Variants in SVIL observed in about 807,000 individuals in gnomAD.
SVIL encodes supervillin.
A neutral mutation model predicts 240.4 loss-of-function variants in SVIL; 101 were observed. The observed-to-expected ratio is 0.42, with a 90% CI of 0.36 to 0.50. SVIL has a LOEUF of 0.50. SVIL is among the 20% of genes least tolerant of loss of function. SVIL has a pLI of 0.01. For synonymous variants in SVIL, 999 were observed against 1,100.0 expected, an observed-to-expected ratio of 0.91 and a Z score of 1.82; for missense variants, 2,512 against 2,818.7, an observed-to-expected ratio of 0.89 and a Z score of 2.46.
chr10:29,554,485 ATG>A (rs199902902), intron 5 of SVIL, among the ~76,000 whole-genome samples: 2,052 of 151,980 alleles, frequency 0.014, 47 homozygotes, highest in African/African-American at 0.047. Flanking sequence ...CTCTACAAAA[ATG>A]TTTAAAAAAA....
chr10:29,589,931 G>A (rs778579655), intron 1 of SVIL, among the ~76,000 whole-genome samples: 2 of 152,110 alleles, frequency 1.3e-5, no homozygotes, highest in Non-Finnish European at 2.9e-5. Flanking sequence ...CACTTTGGGA[G>A]GCTGAGGTGG....
At chr10:29,495,788 A>G (rs547668868) in intron 18 of SVIL, among the ~76,000 whole-genome samples, 72 of 152,226 alleles carry the variant, frequency 4.7e-4, no homozygotes, top group Non-Finnish European at 8.8e-4. Context: ...CGAGAAGCAG[A>G]GTGGGGAATC....
intron 1 of SVIL, among the ~76,000 whole-genome samples, chr10:29,578,552 C>T (rs1955800936): frequency 6.6e-6 from 1 of 152,220 alleles, no homozygotes; most frequent in African/African-American, 2.4e-5. Flanking sequence ...CACAGAAGAA[C>T]CTTGCCCTGC....
chr10:29,690,225 A>G (rs1035072080), intron 1 of SVIL, among the ~76,000 whole-genome samples: 31 of 152,242 alleles, frequency 2.0e-4, no homozygotes, highest in African/African-American at 7.0e-4. Context: ...CACACTGCTC[A>G]TTCTAAGAGC....
intron 1 of SVIL, among the ~76,000 whole-genome samples, chr10:29,626,745 C>T (rs1022438569): frequency 5.9e-5 from 9 of 152,180 alleles, no homozygotes; most frequent in African/African-American, 2.2e-4. Context: ...AAGAATCAGG[C>T]TGGGCGCGGT....
chr10:29,486,049 G>C (rs1169141344), intron 26 of SVIL, 36 bp downstream of exon 26: 1 of 1,578,490 alleles, frequency 6.3e-7, no homozygotes, highest in Non-Finnish European at 8.5e-7. Flanking sequence ...CTTTCAATGT[G>C]GTTTCTCACT....
intron 17 of SVIL, among the ~76,000 whole-genome samples, chr10:29,502,602 C>T (rs889420075): frequency 2.7e-4 from 41 of 151,836 alleles, no homozygotes; most frequent in African/African-American, 3.1e-4. Context: ...ACAGATCCCA[C>T]GAATGTGGTG....
intron 3 of SVIL, among the ~76,000 whole-genome samples, chr10:29,652,970 C>G (rs1350947088): frequency 1.3e-5 from 2 of 151,642 alleles, no homozygotes; most frequent in Non-Finnish European, 2.9e-5. Context: ...ACTATTTTCT[C>G]CCATTCTGTG....
chr10:29,659,301 G>A (rs561304918), intron 2 of SVIL, among the ~76,000 whole-genome samples: 11 of 152,324 alleles, frequency 7.2e-5, no homozygotes, highest in East Asian at 1.9e-4. Context: ...GTTAACAAGC[G>A]TGGCTTTGGG....
chr10:29,533,395 T>C lies in SVIL; in HGVS notation c.972A>G (p.Ser324=), dbSNP rs753620892. 4 of 1,614,238 alleles carry C rather than the reference T, an allele frequency of 2.5e-6. No homozygotes were observed. Among genetic ancestry groups the C allele is most frequent in the East Asian group, 4.5e-5 (2 of 44,878 alleles). Reference sequence around the variant, plus strand: ...GGTGTCTCCTCTGAGTTACGGACTCTGAGGCGAGTTCAGGGCTGTTTCGAG... The same window carrying C: ...GGTGTCTCCTCTGAGTTACGGACTCCGAGGCGAGTTCAGGGCTGTTTCGAG... ...ESARNSPELA[S]ESVTQRRHQP... Residue 324 remains serine (S), a synonymous_variant, in exon 8 of 38, where the codon TCA becomes TCG. Coordinates refer to ENST00000355867, the MANE Select transcript of SVIL (RefSeq NM_021738.3).
At chr10:29,509,547 G>A (rs1450456813) in intron 17 of SVIL, among the ~76,000 whole-genome samples, 4 of 152,106 alleles carry the variant, frequency 2.6e-5, no homozygotes, top group Non-Finnish European at 4.4e-5. Context: ...TGATCTTTTA[G>A]TATAGAAATG....
At chr10:29,491,660 A>T (rs566526150) in intron 21 of SVIL, among the ~76,000 whole-genome samples, 92 of 152,230 alleles carry the variant, frequency 6.0e-4, no homozygotes, top group East Asian at 1.5e-3. Context: ...CAGACTAGGG[A>T]AGGTGAGCAG....
At chr10:29,588,791 C>T (rs1956270560) in intron 1 of SVIL, among the ~76,000 whole-genome samples, 1 of 152,128 alleles carries the variant, frequency 6.6e-6, no homozygotes, top group Non-Finnish European at 1.5e-5. Context: ...ATTTACTGTG[C>T]AAGAGATAAA....
intron 36 of SVIL, among the ~76,000 whole-genome samples, chr10:29,460,965 A>AC (rs758529493): frequency 6.6e-6 from 1 of 150,772 alleles, no homozygotes; most frequent in African/African-American, 2.4e-5. Flanking sequence ...TGCCTAACCA[A>AC]CCCCCCGCTT....
chr10:29,602,231 C>T (rs768340731), intron 1 of SVIL: 4 of 529,830 alleles, frequency 7.5e-6, no homozygotes, highest in Admixed American at 2.0e-5. Context: ...AATGATGTTT[C>T]ATGAAGTGCC....
chr10:29,621,015 G>A (rs567538190), intron 1 of SVIL, among the ~76,000 whole-genome samples: 1 of 149,318 alleles, frequency 6.7e-6, no homozygotes, highest in East Asian at 2.0e-4. Flanking sequence ...TATTTCCCAG[G>A]CTGGTCTCGA....
chr10:29,624,176 A>AAC (rs1476960454), intron 1 of SVIL, among the ~76,000 whole-genome samples: 2 of 151,588 alleles, frequency 1.3e-5, no homozygotes, highest in Non-Finnish European at 2.9e-5. Flanking sequence ...CAAAAAAAAA[A>AAC]AAAAAACCCC....
chr10:29,675,232 G>A (rs1960107178), intron 2 of SVIL, among the ~76,000 whole-genome samples: 1 of 152,148 alleles, frequency 6.6e-6, no homozygotes, highest in Non-Finnish European at 1.5e-5. Context: ...GGGCACAATG[G>A]CTCATGTTTG....
rs200149122 is a variant in SVIL at position 29,724,178 on chromosome 10, TC to T, written c.-400+11572del. On this transcript the variant is annotated intron_variant, in intron 1 of 35. Coordinates refer to the SVIL transcript ENST00000375400. ...AGTTTCTTCTGAGTTTTTTGTTTTCTCTCTTTTTTTTTTTTTCAAGAAGCCT... is the reference window on the plus strand; with the variant it reads ...AGTTTCTTCTGAGTTTTTTGTTTTCTTCTTTTTTTTTTTTTCAAGAAGCCT... Among the ~76,000 whole-genome samples the T allele has an allele frequency of 4.0e-3, 448 of 110,828 alleles. 8 individuals carry two copies. The highest frequency in any genetic ancestry group is 0.014 in the African/African-American group (440 of 32,094). The allele number at this position is 110,828 out of a possible 152,430, so 72.7% of individuals were successfully genotyped here. A position where few individuals can be genotyped will look rare whatever the true frequency, so the allele number is the denominator to read the frequency against.
Sources: gnomAD v4.1 joint callset for allele counts (sites outside exome capture counted in the v4.1 genomes callset) on GRCh38, gnomAD v4.1.1 for gene constraint, MANE v1.5 for transcripts, NCBI Gene and HGNC (gene_info 2026-07-23, HGNC 2026-07-21) for gene names.